EDEM2: variants seen among roughly 807,000 people sequenced by gnomAD.
EDEM2 encodes ER degradation enhancing alpha-mannosidase like protein 2.
Under a neutral mutation model 64.8 loss-of-function variants are expected in EDEM2, and 39 were observed. That is an observed-to-expected ratio of 0.60 (90% confidence interval 0.47 to 0.79). The LOEUF (loss-of-function observed/expected upper bound fraction) is 0.79. Among genes scored for constraint, EDEM2 ranks in the 30% least tolerant of loss-of-function variants. The pLI, the probability that EDEM2 is intolerant of heterozygous loss-of-function variation, is 0.00. For synonymous variants in EDEM2, 296 were observed against 291.5 expected (o/e 1.02, Z -0.16); for missense variants, 609 against 731.3 (o/e 0.83, Z 1.93).
At chr20:35,144,851 A>C in intron 3 of EDEM2, 128 bp downstream of exon 3, 1 of 1,073,000 alleles carries the variant, frequency 9.3e-7, no homozygotes, top group Non-Finnish European at 1.4e-6. Context: ...CGGACGCTTC[A>C]GAATCATGAG....
chr20:35,122,318 T>A (rs1368579725), intron 9 of EDEM2, among the ~76,000 whole-genome samples: 1 of 152,224 alleles, frequency 6.6e-6, no homozygotes, highest in East Asian at 1.9e-4. Context: ...CCCTAATCTT[T>A]ACCTGTTGGT....
chr20:35,123,698 G>T lies in EDEM2; in HGVS notation c.1114+192C>A, dbSNP rs115881862. On this transcript the variant is annotated intron_variant, in intron 9 of 10. Transcript: ENST00000374492. ...GAGGCGAGCCATTTCATCCCACTAG[G>T]CCTCAGTTTCCATATCTGAAAACAT... 2.4e-3 allele frequency among the ~76,000 whole-genome samples: 360 copies of T among 152,286 alleles called. 1 individual carries two copies. The highest frequency in any genetic ancestry group is 8.4e-3 in the African/African-American group (349 of 41,560).
intron 7 of EDEM2, among the ~76,000 whole-genome samples, chr20:35,127,544 A>G (rs1247982507): frequency 6.6e-6 from 1 of 152,172 alleles, no homozygotes; most frequent in Non-Finnish European, 1.5e-5. Context: ...AGCAATAAAC[A>G]TTTTCTGAAT....
intron 4 of EDEM2, among the ~76,000 whole-genome samples, chr20:35,141,333 A>G (rs1165799575): frequency 6.6e-6 from 1 of 152,178 alleles, no homozygotes; most frequent in African/African-American, 2.4e-5. Flanking sequence ...AGAAAAAGAT[A>G]CATGGGAAAA....
chr20:35,123,015 T>C (rs181686907), intron 9 of EDEM2, among the ~76,000 whole-genome samples: 19 of 152,258 alleles, frequency 1.2e-4, no homozygotes, highest in African/African-American at 4.6e-4. Context: ...TCCTCACAAT[T>C]TTCAGCTTCC....
chr20:35,143,977 C>T (rs1286966918), intron 3 of EDEM2, among the ~76,000 whole-genome samples: 2 of 152,084 alleles, frequency 1.3e-5, no homozygotes, highest in East Asian at 3.8e-4. Flanking sequence ...GGTGCGATCT[C>T]GGCTCACTGC....
chr20:35,119,075 G>A (rs1417904797), intron 9 of EDEM2, among the ~76,000 whole-genome samples: 1 of 69,538 alleles, frequency 1.4e-5, no homozygotes, highest in Non-Finnish European at 2.9e-5. Context: ...CTGCCTGGCT[G>A]CCAACACTAA....
intron 6 of EDEM2, among the ~76,000 whole-genome samples, chr20:35,132,653 C>CA (rs71299215): frequency 0.41 from 62,132 of 151,704 alleles, 14,788 homozygotes; most frequent in East Asian, 0.65. Context: ...GACTCTGTCT[C>CA]AAAAAAATAA....
chr20:35,143,557 T>C (rs2085686631), intron 3 of EDEM2, among the ~76,000 whole-genome samples: 1 of 152,228 alleles, frequency 6.6e-6, no homozygotes, highest in Non-Finnish European at 1.5e-5. Context: ...AAACCCTCTT[T>C]ATTTAAACCG....
intron 7 of EDEM2, among the ~76,000 whole-genome samples, chr20:35,128,816 A>G (rs544042729): frequency 2.7e-5 from 4 of 150,756 alleles, no homozygotes; most frequent in Non-Finnish European, 4.4e-5. Flanking sequence ...AAAAAACTAA[A>G]AACAGAAAAA....
chr20:35,141,908 A>G (rs1283194999), intron 4 of EDEM2, among the ~76,000 whole-genome samples: 1 of 152,240 alleles, frequency 6.6e-6, no homozygotes, highest in Non-Finnish European at 1.5e-5. Context: ...TTAAAATTAA[A>G]TGAAATTAAA....
At chr20:35,129,185 T>C (rs2085475619) in intron 7 of EDEM2, among the ~76,000 whole-genome samples, 1 of 152,220 alleles carries the variant, frequency 6.6e-6, no homozygotes, top group South Asian at 2.1e-4. Context: ...GGCGGGTGGA[T>C]TGCCTGAGCT....
intron 3 of EDEM2, among the ~76,000 whole-genome samples, chr20:35,143,009 G>T (rs925332453): frequency 6.6e-6 from 1 of 152,110 alleles, no homozygotes; most frequent in Admixed American, 6.5e-5. Context: ...ACCCGCCTTG[G>T]CCTCCCAAAG....
chr20:35,125,357 G>C (rs2085417884), intron 8 of EDEM2, among the ~76,000 whole-genome samples: 1 of 151,378 alleles, frequency 6.6e-6, no homozygotes, highest in Non-Finnish European at 1.5e-5. Flanking sequence ...CACCACCCTA[G>C]GCTAATTTTT....
Position 35,147,214 on chromosome 20 carries a change from C to T in EDEM2, c.45G>A (p.Leu15=). 1 of 1,600,606 alleles carries T rather than the reference C, an allele frequency of 6.2e-7. No individual in the cohort carries two copies. Among genetic ancestry groups the T allele is most frequent in the Non-Finnish European group, 8.5e-7 (1 of 1,171,960 alleles). The change falls in exon 1 of 11, where the codon CTG becomes CTA. Residue 15 remains leucine (L), a synonymous_variant. Coordinates refer to ENST00000374492, the MANE Select transcript of EDEM2 (RefSeq NM_018217.3). ...CTGGCGCACCATGGTGCTGAGGCAG[C>T]AGCGCGCACAGGAGGCCGAGCGGGA... The part of the protein sequence containing the change: ...LLIPLGLLCA[L]LPQHHGAPGP...
intron 3 of EDEM2, among the ~76,000 whole-genome samples, chr20:35,143,395 T>G (rs1600718996): frequency 1.3e-5 from 2 of 152,220 alleles, no homozygotes; most frequent in African/African-American, 4.8e-5. Context: ...GGCAGCTATG[T>G]GAGACCATGA....
intron 2 of EDEM2, among the ~76,000 whole-genome samples, chr20:35,146,151 A>G (rs898261607): frequency 1.3e-5 from 2 of 152,162 alleles, no homozygotes; most frequent in African/African-American, 2.4e-5. Context: ...AGGAAAGTTA[A>G]TAGTTGGAAT....
At chr20:35,128,244 G>T (rs1285220394) in intron 7 of EDEM2, among the ~76,000 whole-genome samples, 1 of 151,912 alleles carries the variant, frequency 6.6e-6, no homozygotes. Flanking sequence ...TTAGCTGGGT[G>T]TGGTGGCGGG....
intron 9 of EDEM2, among the ~76,000 whole-genome samples, chr20:35,121,210 T>G (rs1279692331): frequency 6.6e-6 from 1 of 152,164 alleles, no homozygotes; most frequent in Non-Finnish European, 1.5e-5. Context: ...CACCATAATG[T>G]AGAGTCAGTG....
Sources: allele counts gnomAD v4.1 joint callset (sites outside exome capture counted in the v4.1 genomes callset), GRCh38; gene constraint gnomAD v4.1.1; transcripts MANE v1.5; gene names NCBI Gene and HGNC (gene_info 2026-07-23, HGNC 2026-07-21).